HEMK1: variants seen among roughly 807,000 people sequenced by gnomAD.
The protein encoded by HEMK1 is HemK methyltransferase 1, mitochondrial release factors N(5)-glutamine.
Under a neutral mutation model 47.9 loss-of-function variants are expected in HEMK1, and 36 were observed. The observed-to-expected ratio is 0.75, with a 90% CI of 0.58 to 0.99. The LOEUF (loss-of-function observed/expected upper bound fraction) is 0.99, where lower values mean the gene tolerates loss of function less well. Among genes scored for constraint, HEMK1 ranks in the 50% least tolerant of loss-of-function variants. The pLI is 0.00. For synonymous variants in HEMK1, 153 were observed against 165.4 expected (o/e 0.93, Z 0.57); for missense variants, 383 against 434.5 (o/e 0.88, Z 1.05).
intron 10 of HEMK1, 28 bp downstream of exon 10, chr3:50,580,257 T>C: frequency 1.9e-6 from 3 of 1,607,624 alleles, no homozygotes; most frequent in Non-Finnish European, 2.6e-6. Context: ...TTTAGCCCTG[T>C]AGCATGCTGG....
Position 50,577,175 on chromosome 3 carries a change from C to A in HEMK1, c.538C>A (p.Gln180Lys), listed in dbSNP as rs1380278603. The change falls in exon 5 of 11, where the codon CAG (glutamine) becomes AAG (lysine). Residue 180 changes from glutamine to lysine, a missense_variant. Coordinates refer to ENST00000232854, the MANE Select transcript of HEMK1 (RefSeq NM_016173.5). ...AGCCATCTCCCTCAGCCTGCTGAGC[C>A]AGCTCCCCCAGGTGAGCCCCTCCAC... ...SGAISLSLLS[Q>K]LPQSRVIAVD... is the part of the protein sequence containing the mutation. 6.2e-7 allele frequency: 1 copy of A among 1,610,312 alleles called. No homozygotes were observed. Among genetic ancestry groups the A allele is most frequent in the Non-Finnish European group, 8.5e-7 (1 of 1,178,994 alleles).
At chr3:50,576,991 T>A in intron 4 of HEMK1, 61 bp from the exon 5 acceptor site, 1 of 1,604,178 alleles carries the variant, frequency 6.2e-7, no homozygotes, top group Non-Finnish European at 8.5e-7. Flanking sequence ...TAGGCCTCTG[T>A]ACCAAGACCC....
chr3:50,569,834 T>C (rs1700707230), intron 1 of HEMK1: 1 of 152,004 alleles, frequency 6.6e-6, no homozygotes, highest in South Asian at 2.1e-4. Context: ...CCTGGGACAG[T>C]CTTTTTTTTC....
In HEMK1 at chr3:50,571,336, A is replaced by G. The variant is rs1700929293; in HGVS notation, c.228+4A>G. The G allele has an allele frequency of 6.4e-7, 1 of 1,574,796 alleles. No homozygotes were observed. On this transcript the variant is annotated splice_donor_region_variant and intron_variant, in intron 2 of 10. Transcript: ENST00000232854. ...TCATGTCCTTGGAGCCAAAACAGTTAAGTTTAGTGTTGTCAAGAGGACAGG... is the reference window on the plus strand; with the variant it reads ...TCATGTCCTTGGAGCCAAAACAGTTGAGTTTAGTGTTGTCAAGAGGACAGG...
Position 50,578,858 on chromosome 3 carries a change from C to T in HEMK1, c.702C>T (p.Asp234=), listed in dbSNP as rs1424251103. ...CACACCTGCCCTGGGGCCCCATGGA[C>T]CTGATTGTCAGCAACCCTCCCTACG... ...SWTHLPWGPM[D]LIVSNPPYVF... is the part of the protein sequence containing the mutation. The change falls in exon 8 of 11, where the codon GAC becomes GAT. Residue 234 remains aspartate (D), a synonymous_variant. Coordinates refer to ENST00000232854, the MANE Select transcript of HEMK1 (RefSeq NM_016173.5). 7 of 1,613,520 alleles carry T rather than the reference C, an allele frequency of 4.3e-6. No individual in the cohort carries two copies. Among genetic ancestry groups the T allele is most frequent in the Non-Finnish European group, 5.9e-6 (7 of 1,179,766 alleles).
chr3:50,580,179 G>A lies in HEMK1; in HGVS notation c.930G>A (p.Arg310=). ...TTGTCAGCAGCTGGCTTCAGAGCCG[G>A]CCTGACCTGTACCTTAATCTTGTGG... The part of the protein sequence containing the change: ...PELVSSWLQS[R]PDLYLNLVAV... The change falls in exon 10 of 11, where the codon CGG becomes CGA. Residue 310 remains arginine, a synonymous_variant. Transcript: ENST00000232854. The A allele has an allele frequency of 6.2e-7, 1 of 1,614,126 alleles. No homozygotes were observed. The highest frequency in any genetic ancestry group is 1.1e-5 in the South Asian group (1 of 91,088).
rs1486403601 is a variant in HEMK1, at chr3:50,571,555, G to C, written c.229-155G>C. On this transcript the variant is annotated intron_variant, in intron 2 of 10. Coordinates refer to ENST00000232854, the MANE Select transcript of HEMK1 (RefSeq NM_016173.5). Reference sequence around the variant, plus strand: ...GACACCTGGAAGCCTGGTGTTAGCTGTGTAACCTTAGGCAGGATGCTGCCC... The same window carrying C: ...GACACCTGGAAGCCTGGTGTTAGCTCTGTAACCTTAGGCAGGATGCTGCCC... 1.8e-5 allele frequency: 14 copies of C among 773,336 alleles called. No homozygotes were observed. In the Admixed American group the frequency reaches 2.9e-4, roughly 16 times the overall value. The allele number at this position is 773,336 out of a possible 1,614,324, so 47.9% of individuals were successfully genotyped here.
In HEMK1 at chr3:50,583,247, A is replaced by G. The variant is rs2031020125; in HGVS notation, c.*2830A>G. ...TTCCCAGTTGTCAGTGGGTTTCTCC[A>G]TGGGTCTCATACAGCTGCCTTATTG... On this transcript the variant is annotated 3_prime_UTR_variant, in exon 11 of 11. Coordinates refer to ENST00000232854, the MANE Select transcript of HEMK1 (RefSeq NM_016173.5). The G allele has an allele frequency of 6.6e-6, 1 of 152,194 alleles. No homozygotes were observed. 9.4% of individuals were successfully genotyped at this position (152,194 alleles called of 1,614,324 possible).
At chr3:50,578,997 C>A in intron 8 of HEMK1, 71 bp downstream of exon 8, 2 of 1,145,064 alleles carry the variant, frequency 1.7e-6, no homozygotes, top group Non-Finnish European at 2.6e-6. Flanking sequence ...CCTCGAGGAC[C>A]ACACCATCTG....
chr3:50,577,832 G>A lies in HEMK1; in HGVS notation c.621G>A (p.Arg207=). The A allele has an allele frequency of 6.2e-7, 1 of 1,614,172 alleles. No individual in the cohort carries two copies. The highest frequency in any genetic ancestry group is 8.5e-7 in the Non-Finnish European group (1 of 1,180,022). Residue 207 remains arginine, a synonymous_variant, in exon 7 of 11, where the codon CGG becomes CGA. Transcript: ENST00000232854. ...TTTCTCCCTGTCTGTGTAGGCTTCG[G>A]TTGCAGGACAGGATTTGGATCATCC... ...SLTHENAQRL[R]LQDRIWIIHL...
In HEMK1 at chr3:50,571,908, A is replaced by T. The variant is rs1575894246; in HGVS notation, c.320+107A>T. 3 of 1,134,078 alleles carry T rather than the reference A, an allele frequency of 2.6e-6. No homozygotes were observed. The East Asian group carries it at 1.3e-4, about 50-fold the overall frequency. The allele number at this position is 1,134,078 out of a possible 1,614,324, so 70.3% of individuals were successfully genotyped here. ...GGAGGAGAATGTCCAAGGACTAGGG[A>T]GGTGTTGGGGTGCAGGAGTGGCAAG... is the stretch of plus-strand genomic sequence containing the variant. On this transcript the variant is annotated intron_variant, in intron 3 of 10. Coordinates refer to ENST00000232854, the MANE Select transcript of HEMK1 (RefSeq NM_016173.5).
chr3:50,581,803 C>A lies in HEMK1; in HGVS notation c.*1386C>A, dbSNP rs2030847757. The A allele has an allele frequency of 6.6e-6, 1 of 152,212 alleles. No homozygotes were observed. Among genetic ancestry groups the A allele is most frequent in the African/African-American group, 2.4e-5 (1 of 41,424 alleles). The allele number at this position is 152,212 out of a possible 1,614,324, so 9.4% of individuals were successfully genotyped here. ...GTTGCCCTGCACTATGGCTGGAGGACACATTTGGTAGAGGTCACACTGCAG... is the reference window on the plus strand; with the variant it reads ...GTTGCCCTGCACTATGGCTGGAGGAAACATTTGGTAGAGGTCACACTGCAG... On this transcript the variant is annotated 3_prime_UTR_variant, in exon 11 of 11. Transcript: ENST00000232854.
chr3:50,576,667 A>G (rs1464968666), intron 4 of HEMK1, among the ~76,000 whole-genome samples: 2 of 152,178 alleles, frequency 1.3e-5, no homozygotes, highest in Non-Finnish European at 2.9e-5. Context: ...CCTTAGCCTC[A>G]CAAAGTGTTG....
intron 9 of HEMK1, 73 bp downstream of exon 9, chr3:50,580,012 C>G: frequency 2.0e-6 from 3 of 1,530,582 alleles, no homozygotes; most frequent in Non-Finnish European, 2.7e-6. Flanking sequence ...TGGGCAGGCC[C>G]TGGCAGAGGT....
At chr3:50,574,662 G>C (rs1321877299) in intron 4 of HEMK1, among the ~76,000 whole-genome samples, 1 of 152,168 alleles carries the variant, frequency 6.6e-6, no homozygotes, top group Non-Finnish European at 1.5e-5. Flanking sequence ...GAGACCACAG[G>C]CTCTCAGCCA....
In HEMK1 at chr3:50,571,820, G is replaced by C; in HGVS notation, c.320+19G>C. The stretch of plus-strand genomic sequence containing the variant: ...TGCAGAGGTGAGCACCCATGGATCA[G>C]ACCTGAAGGATGTGTTCAGGGAGCA... On this transcript the variant is annotated intron_variant, in intron 3 of 10. Transcript: ENST00000232854. 2.5e-6 allele frequency: 4 copies of C among 1,607,104 alleles called. No homozygotes were observed. Among genetic ancestry groups the C allele is most frequent in the Non-Finnish European group, 3.4e-6 (4 of 1,173,646 alleles).
intron 1 of HEMK1, chr3:50,570,633 T>A (rs1700844484): frequency 6.5e-6 from 1 of 153,314 alleles, no homozygotes; most frequent in African/African-American, 2.4e-5. Flanking sequence ...AATAATGACT[T>A]GCTCAAGATC....
chr3:50,576,133 A>G (rs1009500244), intron 4 of HEMK1, among the ~76,000 whole-genome samples: 2 of 152,198 alleles, frequency 1.3e-5, no homozygotes, highest in East Asian at 1.9e-4. Flanking sequence ...CCCATGGCCC[A>G]TCTCCTCCAA....
rs34889917 is a variant in HEMK1 at position 50,591,106 on chromosome 3, G to A, written c.*10689G>A. Reference sequence around the variant, plus strand: ...CAGGCGAGGACACAGCATCTGGGACGAGTCCTTTCCTGCCAACAGCCTCCG... The same window carrying A: ...CAGGCGAGGACACAGCATCTGGGACAAGTCCTTTCCTGCCAACAGCCTCCG... On this transcript the variant is annotated 3_prime_UTR_variant, in exon 11 of 11. Coordinates refer to ENST00000232854, the MANE Select transcript of HEMK1 (RefSeq NM_016173.5). 15,303 of 152,180 alleles carry A rather than the reference G, an allele frequency of 0.1. 955 individuals are homozygous for A. The highest frequency in any genetic ancestry group is 0.13 in the Non-Finnish European group (8,889 of 68,006). The allele number at this position is 152,180 out of a possible 1,614,324, so 9.4% of individuals were successfully genotyped here. A position where few individuals can be genotyped will look rare whatever the true frequency, so the allele number is the denominator to read the frequency against.
Sources: gnomAD v4.1 joint callset for allele counts (sites outside exome capture counted in the v4.1 genomes callset) on GRCh38, gnomAD v4.1.1 for gene constraint, MANE v1.5 for transcripts, NCBI Gene and HGNC (gene_info 2026-07-23, HGNC 2026-07-21) for gene names.